The following RNF213 variants were observed in gnomAD, a reference collection of about 807,000 sequenced individuals.
RNF213 encodes ring finger protein 213, also known as E3 ubiquitin-protein ligase RNF213.
In RNF213, 341 loss-of-function variants were observed where a neutral mutation model predicts 514.4. The ratio of observed to expected loss-of-function variants is 0.66; its 90% CI spans 0.61 to 0.73. The LOEUF (loss-of-function observed/expected upper bound fraction) is 0.73, where lower values mean the gene tolerates loss of function less well. Among genes scored for constraint, RNF213 ranks in the 30% least tolerant of loss-of-function variants. The pLI, the probability that RNF213 is intolerant of heterozygous loss-of-function variation, is 0.00. For missense variants in RNF213, 5,767 were observed against 6,615.6 expected, an observed-to-expected ratio of 0.87 and a Z score of 4.45; for synonymous variants, 2,655 against 2,658.2, an observed-to-expected ratio of 1.00 and a Z score of 0.04.
At chr17:80,333,885 G>C in intron 21 of RNF213, 2 of 566,884 alleles carry the variant, frequency 3.5e-6, no homozygotes, top group South Asian at 2.2e-5. Context: ...CAGAATATCA[G>C]GTTCCCAGGA....
intron 49 of RNF213, 118 bp from the exon 50 acceptor site, chr17:80,374,340 C>T: frequency 2.9e-6 from 4 of 1,373,846 alleles, no homozygotes; most frequent in Non-Finnish European, 4.1e-6. Flanking sequence ...TCAGGGAATC[C>T]CAGCTTGGCT....
In RNF213 at chr17:80,332,363, A is replaced by G. The variant is rs757908465; in HGVS notation, c.3875A>G (p.Asp1292Gly). The G allele has an allele frequency of 1.3e-6, 2 of 1,537,168 alleles. No homozygotes were observed. The highest frequency in any genetic ancestry group is 2.4e-5 in the South Asian group (2 of 84,064). ...AGAAAGTTCATTAAGTTGCACCAGGATCTAAAGTCAGGAGAGGTCACCCTT... is the reference window on the plus strand; with the variant it reads ...AGAAAGTTCATTAAGTTGCACCAGGGTCTAAAGTCAGGAGAGGTCACCCTT... ...SYRKFIKLHQ[D>G]LKSGEVTLAE... is the part of the protein sequence containing the mutation. Residue 1292 changes from aspartate (D) to glycine (G), a missense_variant, in exon 21 of 68, where the codon GAT (aspartate) becomes GGT (glycine). Around this residue, in one of 13 missense-constraint regions of RNF213, gnomAD observed 516 missense variants for 566.5 expected, o/e 0.91. Coordinates refer to ENST00000582970, the MANE Select transcript of RNF213 (RefSeq NM_001256071.3).
At chr17:80,355,109 G>A (rs1421555979) in intron 36 of RNF213, 5 of 438,310 alleles carry the variant, frequency 1.1e-5, no homozygotes, top group Non-Finnish European at 2.3e-5. Context: ...CCCAGACAGA[G>A]GGTCTCTTTA....
chr17:80,313,833 GTGA>G (rs1335544938), intron 15 of RNF213, among the ~76,000 whole-genome samples: 1 of 72,806 alleles, frequency 1.4e-5, no homozygotes, highest in Non-Finnish European at 2.9e-5. Flanking sequence ...GGTGGTGGAG[GTGA>G]TGGTGGAGGT....
chr17:80,379,041 TGGTGCATG>T (rs1397881166), intron 54 of RNF213, among the ~76,000 whole-genome samples: 4 of 145,390 alleles, frequency 2.8e-5, no homozygotes, highest in Non-Finnish European at 4.6e-5. Context: ...CAGGGCATGG[TGGTGCATG>T]CGTGCATGCG....
In RNF213 at chr17:80,348,054, G is replaced by A. The variant is rs369079303; in HGVS notation, c.9719G>A (p.Arg3240Gln). Residue 3240 changes from arginine to glutamine, a missense_variant, in exon 29 of 68, where the codon CGG becomes CAG. Physicochemically the swap from Arg to Gln is conservative, Grantham distance 43 (BLOSUM62 1). This residue lies in a region of RNF213 where 919 missense variants were observed against 1,121.0 expected (regional missense o/e 0.82). Coordinates refer to ENST00000582970, the MANE Select transcript of RNF213 (RefSeq NM_001256071.3). Reference sequence around the variant, plus strand: ...CAGGTCATAGAGAGGCAGGGTCCCCGGGCCTTGACGGAGGAACTTCACCAG... The same window carrying A: ...CAGGTCATAGAGAGGCAGGGTCCCCAGGCCTTGACGGAGGAACTTCACCAG... ...VLQVIERQGPRALTEELHQKV... is the reference protein window; with the variant it reads ...VLQVIERQGPQALTEELHQKV... 1.7e-5 allele frequency: 27 copies of A among 1,614,016 alleles called. No homozygotes were observed. Among genetic ancestry groups the A allele is most frequent in the East Asian group, 4.5e-5 (2 of 44,884 alleles).
At chr17:80,278,168 C>T (rs1452639201) in intron 3 of RNF213, among the ~76,000 whole-genome samples, 2 of 152,198 alleles carry the variant, frequency 1.3e-5, no homozygotes, top group Admixed American at 6.5e-5. Flanking sequence ...ATCGGCAGGC[C>T]AGGAGGCTGC....
intron 56 of RNF213, chr17:80,381,328 G>A (rs2079992362): frequency 1.6e-6 from 1 of 631,106 alleles, no homozygotes; most frequent in Non-Finnish European, 2.9e-6. Context: ...ATGGCCAACA[G>A]TACAATCTGG....
Position 80,387,953 on chromosome 17 carries a change from ATT to A in RNF213, c.14923-636_14923-635del, listed in dbSNP as rs35624579. Among the ~76,000 whole-genome samples the A allele has an allele frequency of 2.6e-3, 294 of 111,282 alleles. 1 individual carries two copies. Among genetic ancestry groups the A allele is most frequent in the African/African-American group, 5.6e-3 (145 of 25,796 alleles). The allele number at this position is 111,282 out of a possible 152,430, so 73.0% of individuals were successfully genotyped here. A position where few individuals can be genotyped will look rare whatever the true frequency, so the allele number is the denominator to read the frequency against. ...GGCCAGGAACTGTGAGAGCCCATGG[ATT>A]TTTTTTTTTTTTTTTTTTTTTTGAG... On this transcript the variant is annotated intron_variant, in intron 63 of 67. Transcript: ENST00000582970.
intron 11 of RNF213, among the ~76,000 whole-genome samples, chr17:80,303,567 C>CTTT (rs61546164): frequency 1.5e-5 from 2 of 130,926 alleles, no homozygotes; most frequent in Non-Finnish European, 3.2e-5. Flanking sequence ...CTTTTCTTTT[C>CTTT]TTTTTTTTTT....
Position 80,348,293 on chromosome 17 carries a change from G to T in RNF213, c.9951+7G>T. 3.7e-6 allele frequency: 6 copies of T among 1,610,326 alleles called. No individual in the cohort carries two copies. Among genetic ancestry groups the T allele is most frequent in the Non-Finnish European group, 5.1e-6 (6 of 1,180,016 alleles). On this transcript the variant is annotated splice_region_variant and intron_variant, in intron 29 of 67. Coordinates refer to ENST00000582970, the MANE Select transcript of RNF213 (RefSeq NM_001256071.3). Reference sequence around the variant, plus strand: ...CCACGCCATCTTCACAGAGGTGATTGTCTTTCTGCACTTGTACCCTATCCC... The same window carrying T: ...CCACGCCATCTTCACAGAGGTGATTTTCTTTCTGCACTTGTACCCTATCCC...
rs1291960852 is a variant in RNF213, at chr17:80,354,351, T to C, written c.10727-90T>C. ...TCTAGAATTGGCCTGGCCAACGGAC[T>C]TCCCTTCCTGGGGGAGGTGGGACAG... On this transcript the variant is annotated intron_variant, in intron 35 of 67. Coordinates refer to ENST00000582970, the MANE Select transcript of RNF213 (RefSeq NM_001256071.3). 5.0e-6 allele frequency: 8 copies of C among 1,599,696 alleles called. No individual in the cohort carries two copies. The South Asian group carries it at 5.5e-5, about 11-fold the overall frequency.
At chr17:80,278,996 C>T in intron 3 of RNF213, 2 of 1,497,732 alleles carry the variant, frequency 1.3e-6, no homozygotes. Context: ...GCACTTCCGG[C>T]CCTTGAGTCC....
chr17:80,363,460 A>C, intron 40 of RNF213, 146 bp downstream of exon 40: 1 of 1,196,776 alleles, frequency 8.4e-7, no homozygotes, highest in South Asian at 1.3e-5. Context: ...TGTTAAGGAC[A>C]CATCTCGCTG....
intron 13 of RNF213, among the ~76,000 whole-genome samples, chr17:80,307,621 C>T (rs2143595104): frequency 6.6e-6 from 1 of 151,740 alleles, no homozygotes; most frequent in East Asian, 1.9e-4. Context: ...ACCATCTTGG[C>T]TCACTGCAAC....
At chr17:80,312,945 C>G (rs1044861315) in intron 14 of RNF213, 67 bp from the exon 15 acceptor site, 184 of 1,579,050 alleles carry the variant, frequency 1.2e-4, no homozygotes, top group Non-Finnish European at 1.6e-4. Flanking sequence ...GGAGGGGGTG[C>G]AGCATCTCGC....
Position 80,393,408 on chromosome 17 carries a change from A to G in RNF213, c.15534A>G (p.Ala5178=), listed in dbSNP as rs938971254. The part of the protein sequence containing the change: ...TKESEILPEM[A]SQFPEEILLA... ...AAAGTGAAATTCTTCCTGAAATGGC[A>G]TCTCAGTTCCCAGAAGAGATACTGC... is the stretch of plus-strand genomic sequence containing the variant. The change falls in exon 68 of 68, where the codon GCA becomes GCG. Residue 5178 remains alanine, a synonymous_variant. Coordinates refer to ENST00000582970, the MANE Select transcript of RNF213 (RefSeq NM_001256071.3). 1.2e-6 allele frequency: 2 copies of G among 1,614,092 alleles called. No individual in the cohort carries two copies. The highest frequency in any genetic ancestry group is 2.7e-5 in the African/African-American group (2 of 74,950).
At chr17:80,305,242 G>A (rs954572387) in intron 11 of RNF213, among the ~76,000 whole-genome samples, 1 of 147,076 alleles carries the variant, frequency 6.8e-6, no homozygotes, top group Non-Finnish European at 1.5e-5. Context: ...ACAATGGCAC[G>A]ATCTTGGCTC....
intron 57 of RNF213, 71 bp from the exon 58 acceptor site, chr17:80,382,908 G>A (rs897138444): frequency 9.0e-6 from 8 of 887,876 alleles, no homozygotes; most frequent in African/African-American, 1.7e-5. Context: ...CACTTATTTA[G>A]GGTTTATTAT....
Sources: gnomAD v4.1 joint callset for allele counts (sites outside exome capture counted in the v4.1 genomes callset) on GRCh38, gnomAD v4.1.1 for gene constraint, gnomAD v4.1.1 regional missense constraint, MANE v1.5 for transcripts, NCBI Gene and HGNC (gene_info 2026-07-23, HGNC 2026-07-21) for gene names.